Variants in FSIP2 observed in about 807,000 individuals in gnomAD.
The protein encoded by FSIP2 is fibrous sheath interacting protein 2.
Under a neutral mutation model 510.5 loss-of-function variants are expected in FSIP2, and 367 were observed. That is an observed-to-expected ratio of 0.72 (90% CI 0.66 to 0.78). FSIP2 has a LOEUF of 0.78. FSIP2 is among the 30% of genes least tolerant of loss of function. The probability of loss-of-function intolerance (pLI) is 0.00; values close to 1 mark genes in which losing one functional copy is unlikely to be tolerated. For synonymous variants in FSIP2, 2,601 were observed against 2,732.2 expected (o/e 0.95, Z 1.50); for missense variants, 7,594 against 7,901.7 (o/e 0.96, Z 1.48).
At chr2:185,754,414 T>G (rs1692203136) in intron 8 of FSIP2, among the ~76,000 whole-genome samples, 1 of 151,506 alleles carries the variant, frequency 6.6e-6, no homozygotes, top group Non-Finnish European at 1.5e-5. Flanking sequence ...TCTTTGACTG[T>G]GTAGTACCAG....
chr2:185,790,116 G>T lies in FSIP2; in HGVS notation c.2980G>T (p.Val994Phe). ...TGGAAGACCATTTCCACCTATAAAT[G>T]TTCCAGGCATGGTTCTTTATTCTGA... is the stretch of plus-strand genomic sequence containing the variant. ...RSGRPFPPIN[V>F]PGMVLYSDDE... Residue 994 changes from valine (V) to phenylalanine (F), a missense_variant, in exon 16 of 23, where the codon GTT becomes TTT. Physicochemically the swap from Val to Phe is conservative, Grantham distance 50. Transcript: ENST00000424728. 6.5e-7 allele frequency: 1 copy of T among 1,533,718 alleles called. No individual in the cohort carries two copies.
intron 18 of FSIP2, among the ~76,000 whole-genome samples, chr2:185,814,520 T>G (rs999327251): frequency 2.6e-5 from 4 of 152,050 alleles, no homozygotes; most frequent in African/African-American, 9.7e-5. Context: ...TATAACCAGC[T>G]TATCCAACCT....
At position 185,805,175 on chromosome 2, in the gene FSIP2, C is replaced by T; in HGVS notation, c.15869C>T (p.Ser5290Phe). The T allele has an allele frequency of 6.2e-7, 1 of 1,610,166 alleles. No individual in the cohort carries two copies. Among genetic ancestry groups the T allele is most frequent in the South Asian group, 1.1e-5 (1 of 90,644 alleles). ...ATTGACCTTGTTCACAAATTTTGTTCTCTCCTCATTATTACTGAAGATTCT... is the reference window on the plus strand; with the variant it reads ...ATTGACCTTGTTCACAAATTTTGTTTTCTCCTCATTATTACTGAAGATTCT... Reference protein sequence around the residue: ...IIIDLVHKFCSLLIITEDSKK... With the variant: ...IIIDLVHKFCFLLIITEDSKK... Residue 5290 changes from serine (S) to phenylalanine (F), a missense_variant, in exon 17 of 23, where the codon TCT (serine) becomes TTT (phenylalanine). Ser to Phe is a radical substitution (Grantham distance 155, BLOSUM62 -2). Coordinates refer to ENST00000424728, the MANE Select transcript of FSIP2 (RefSeq NM_173651.4).
Position 185,792,630 on chromosome 2 carries a change from C to T in FSIP2, c.5494C>T (p.Pro1832Ser). The T allele has an allele frequency of 1.3e-6, 2 of 1,534,088 alleles. No individual in the cohort carries two copies. Among genetic ancestry groups the T allele is most frequent in the Non-Finnish European group, 1.7e-6 (2 of 1,145,514 alleles). The change falls in exon 16 of 23, where the codon CCT becomes TCT. Residue 1832 changes from proline (P) to serine (S), a missense_variant. By Grantham distance (74) the Pro-to-Ser change is moderately conservative. Transcript: ENST00000424728. Reference protein sequence around the residue: ...SVQFMDKMMDPLLSEADITIV... With the variant: ...SVQFMDKMMDSLLSEADITIV... ...TCAATTTATGGATAAAATGATGGAT[C>T]CTTTACTTTCGGAAGCAGATATAAC... is the stretch of plus-strand genomic sequence containing the variant.
Position 185,802,663 on chromosome 2 carries a change from C to T in FSIP2, c.13357C>T (p.Pro4453Ser), listed in dbSNP as rs1693467035. The T allele has an allele frequency of 1.3e-6, 2 of 1,533,456 alleles. No individual in the cohort carries two copies. Among genetic ancestry groups the T allele is most frequent in the Admixed American group, 2.0e-5 (1 of 50,798 alleles). 95.0% of individuals were successfully genotyped at this position (1,533,456 alleles called of 1,614,324 possible). ...TAGTAACATCAGTAAATCTACTGAG[C>T]CAAGCCAGAGTGTACCTCTATATAA... ...ILSNISKSTE[P>S]SQSVPLYNTL... The change falls in exon 17 of 23, where the codon CCA becomes TCA. Residue 4453 changes from proline to serine, a missense_variant. Physicochemically the swap from Pro to Ser is moderately conservative, Grantham distance 74 (BLOSUM62 -1). Coordinates refer to ENST00000424728, the MANE Select transcript of FSIP2 (RefSeq NM_173651.4).
At chr2:185,740,953 G>GA (rs34788709) in intron 2 of FSIP2, among the ~76,000 whole-genome samples, 47,750 of 151,686 alleles carry the variant, frequency 0.31, 7,844 homozygotes, top group Middle Eastern at 0.41. Context: ...TTTTGTTTCT[G>GA]AAAAAAAGTA....
Position 185,791,101 on chromosome 2 carries a change from T to G in FSIP2, c.3965T>G (p.Ile1322Ser), listed in dbSNP as rs759802157. 8.9e-5 allele frequency: 136 copies of G among 1,531,966 alleles called. 2 individuals carry two copies. In the South Asian group the frequency reaches 1.5e-3, roughly 17 times the overall value. 94.9% of individuals were successfully genotyped at this position (1,531,966 alleles called of 1,614,324 possible). A position where few individuals can be genotyped will look rare whatever the true frequency, so the allele number is the denominator to read the frequency against. ...LHKENLNLRE[I>S]DHTKSLTDKG... ...AAGGAAAACCTAAATCTTAGGGAGATTGACCATACCAAATCCCTTACAGAT... is the reference window on the plus strand; with the variant it reads ...AAGGAAAACCTAAATCTTAGGGAGAGTGACCATACCAAATCCCTTACAGAT... The change falls in exon 16 of 23, where the codon ATT (isoleucine) becomes AGT (serine). Residue 1322 changes from isoleucine to serine, a missense_variant. Ile to Ser is a moderately radical substitution (Grantham distance 142). Coordinates refer to ENST00000424728, the MANE Select transcript of FSIP2 (RefSeq NM_173651.4).
rs1692046640 is a variant in FSIP2 at position 185,746,949 on chromosome 2, G to A, written c.759+139G>A. 7.7e-6 allele frequency: 5 copies of A among 650,700 alleles called. No individual in the cohort carries two copies. The South Asian group carries it at 1.2e-4, about 16-fold the overall frequency. 40.3% of individuals were successfully genotyped at this position (650,700 alleles called of 1,614,324 possible). A position where few individuals can be genotyped will look rare whatever the true frequency, so the allele number is the denominator to read the frequency against. On this transcript the variant is annotated intron_variant, in intron 6 of 22. Coordinates refer to ENST00000424728, the MANE Select transcript of FSIP2 (RefSeq NM_173651.4). ...TTGTTACCATTAAATTTTCTTCATAGCTATAATATACAAGTTGTTACATAA... is the reference window on the plus strand; with the variant it reads ...TTGTTACCATTAAATTTTCTTCATAACTATAATATACAAGTTGTTACATAA...
chr2:185,776,616 C>A (rs1692727745), intron 13 of FSIP2, among the ~76,000 whole-genome samples: 1 of 152,028 alleles, frequency 6.6e-6, no homozygotes, highest in African/African-American at 2.4e-5. Context: ...GGCTTTAAAT[C>A]TGTTTTCATT....
intron 21 of FSIP2, among the ~76,000 whole-genome samples, chr2:185,829,637 A>G (rs1183022830): frequency 6.6e-6 from 1 of 151,986 alleles, no homozygotes; most frequent in Non-Finnish European, 1.5e-5. Context: ...GCATGGCAGT[A>G]GCAGCAGAGT....
chr2:185,757,712 G>A (rs1446658903), intron 9 of FSIP2, among the ~76,000 whole-genome samples: 2 of 151,308 alleles, frequency 1.3e-5, no homozygotes, highest in African/African-American at 4.8e-5. Flanking sequence ...TCCAAGCAGA[G>A]TTTGAAGTCA....
At chr2:185,786,384 C>T (rs568167468) in intron 15 of FSIP2, 96 bp downstream of exon 15, 24 of 771,682 alleles carry the variant, frequency 3.1e-5, no homozygotes, top group Non-Finnish European at 4.8e-5. Flanking sequence ...TAATAGGAAT[C>T]ATCCATTGAT....
In FSIP2 at chr2:185,789,054, C is replaced by T. The variant is rs186391918; in HGVS notation, c.1918C>T (p.Leu640Phe). 211 of 1,534,332 alleles carry T rather than the reference C, an allele frequency of 1.4e-4. 1 individual carries two copies. The African/African-American group carries it at 2.5e-3, about 18-fold the overall frequency. The stretch of plus-strand genomic sequence containing the variant: ...CAACTTGCTATATTCATACCCTAAG[C>T]TCAGAAGTTGTAAATCAGATAGTCA... ...KTNLLYSYPK[L>F]RSCKSDSHLL... The change falls in exon 16 of 23, where the codon CTC (leucine) becomes TTC (phenylalanine). Residue 640 changes from leucine to phenylalanine, a missense_variant. Leu to Phe is a conservative substitution (Grantham distance 22). Transcript: ENST00000424728.
At chr2:185,773,077 T>C (rs1692640830) in intron 13 of FSIP2, among the ~76,000 whole-genome samples, 1 of 152,024 alleles carries the variant, frequency 6.6e-6, no homozygotes, top group South Asian at 2.1e-4. Context: ...CCCAGGCTGT[T>C]CTCAAACTCC....
In FSIP2 at chr2:185,786,242, T is replaced by C. The variant is rs1394075453; in HGVS notation, c.1470-10T>C. ...TATGTAATAACTAAATGATCAACCT[T>C]TCTTTACAGGCAACAGAACTTGCTG... On this transcript the variant is annotated splice_polypyrimidine_tract_variant and intron_variant, in intron 14 of 22. Transcript: ENST00000424728. 5 of 1,515,924 alleles carry C rather than the reference T, an allele frequency of 3.3e-6. No homozygotes were observed. In the East Asian group the frequency reaches 1.2e-4, roughly 37 times the overall value. The allele number at this position is 1,515,924 out of a possible 1,614,324, so 93.9% of individuals were successfully genotyped here. A position where few individuals can be genotyped will look rare whatever the true frequency, so the allele number is the denominator to read the frequency against.
rs1308844518 is a variant in FSIP2, at chr2:185,799,809, T to A, written c.10503T>A (p.His3501Gln). The A allele has an allele frequency of 6.5e-7, 1 of 1,531,380 alleles. No homozygotes were observed. The highest frequency in any genetic ancestry group is 2.0e-5 in the Admixed American group (1 of 50,756). 94.9% of individuals were successfully genotyped at this position (1,531,380 alleles called of 1,614,324 possible). A position where few individuals can be genotyped will look rare whatever the true frequency, so the allele number is the denominator to read the frequency against. ...CTTCAATTTATCAATGTTGTGAACA[T>A]CTCACTGAGTCAGTACTTTACCATT... ...DDSSIYQCCE[H>Q]LTESVLYHLT... Residue 3501 changes from histidine to glutamine, a missense_variant, in exon 17 of 23, where the codon CAT becomes CAA. By Grantham distance (24) the His-to-Gln change is conservative. Coordinates refer to ENST00000424728, the MANE Select transcript of FSIP2 (RefSeq NM_173651.4).
chr2:185,792,876 G>A lies in FSIP2; in HGVS notation c.5740G>A (p.Val1914Ile). 1 of 1,534,262 alleles carries A rather than the reference G, an allele frequency of 6.5e-7. No homozygotes were observed. Among genetic ancestry groups the A allele is most frequent in the East Asian group, 2.4e-5 (1 of 40,844 alleles). ...CAGCGTTGCTGACAAGGAGACAAAG[G>A]TAAATCTAGCTGAAGATATTGTACA... ...RFSVADKETK[V>I]NLAEDIVQAI... The change falls in exon 16 of 23, where the codon GTA becomes ATA. Residue 1914 changes from valine (V) to isoleucine (I), a missense_variant. Physicochemically the swap from Val to Ile is conservative, Grantham distance 29. Transcript: ENST00000424728.
At position 185,807,145 on chromosome 2, in the gene FSIP2, A is replaced by T; in HGVS notation, c.17839A>T (p.Arg5947Ter). The T allele has an allele frequency of 1.2e-6, 2 of 1,601,768 alleles. No individual in the cohort carries two copies. Among genetic ancestry groups the T allele is most frequent in the Non-Finnish European group, 1.7e-6 (2 of 1,175,916 alleles). The change falls in exon 17 of 23, where the codon AGA becomes TGA. Residue 5947 changes from arginine to a stop codon, truncating the protein, a stop_gained. Transcript: ENST00000424728. LOFTEE classifies it high-confidence loss of function. Reference protein sequence around the residue: ...NINSNGENLARRLTSAVINEI... With the variant: ...NINSNGENLA The stretch of plus-strand genomic sequence containing the variant: ...AAACAGTAATGGAGAAAATTTAGCA[A>T]GAAGACTAACTAGTGCAGTGATAAA...
At chr2:185,752,542 A>T (rs926384045) in intron 7 of FSIP2, among the ~76,000 whole-genome samples, 1 of 151,250 alleles carries the variant, frequency 6.6e-6, no homozygotes, top group African/African-American at 2.4e-5. Context: ...CTTCAGGCAT[A>T]TTAGGCTGCT....
Sources: gnomAD v4.1 joint callset for allele counts (sites outside exome capture counted in the v4.1 genomes callset) on GRCh38, gnomAD v4.1.1 for gene constraint, MANE v1.5 for transcripts, NCBI Gene and HGNC (gene_info 2026-07-23, HGNC 2026-07-21) for gene names.